The following ITSN1 variants were observed in gnomAD, a reference collection of about 807,000 sequenced individuals.
ITSN1 encodes intersectin-1.
In ITSN1, 58 loss-of-function variants were observed where a neutral mutation model predicts 239.8. The ratio of observed to expected loss-of-function variants is 0.24; its 90% CI spans 0.20 to 0.30. ITSN1 has a LOEUF of 0.30. Ranked by LOEUF, ITSN1 falls within the 10% of genes least tolerant of loss-of-function variation. The pLI is 1.00. For missense variants in ITSN1, 1,558 were observed against 2,103.3 expected, an observed-to-expected ratio of 0.74 and a Z score of 5.07; for synonymous variants, 780 against 770.8, an observed-to-expected ratio of 1.01 and a Z score of -0.20.
intron 5 of ITSN1, 71 bp downstream of exon 5, chr21:33,735,275 C>T (rs1289650276): frequency 6.8e-7 from 1 of 1,469,808 alleles, no homozygotes; most frequent in South Asian, 1.2e-5. Flanking sequence ...CCTTTTTTTC[C>T]CTCTCGGTTT....
At chr21:33,689,946 C>T (rs1419002898) in intron 1 of ITSN1, among the ~76,000 whole-genome samples, 114 of 136,532 alleles carry the variant, frequency 8.3e-4, no homozygotes, top group African/African-American at 2.9e-3. Context: ...CCAGCATGGG[C>T]GACAGACCAA....
chr21:33,887,460 T>C (rs1985971398), intron 39 of ITSN1, among the ~76,000 whole-genome samples: 2 of 152,210 alleles, frequency 1.3e-5, no homozygotes, highest in South Asian at 4.1e-4. Context: ...GTACTTTTTA[T>C]ATGAATTATC....
At chr21:33,663,175 AG>A (rs2089686555) in intron 1 of ITSN1, among the ~76,000 whole-genome samples, 8 of 152,232 alleles carry the variant, frequency 5.3e-5, no homozygotes. Context: ...CTCTTCAGGC[AG>A]TTATAGTAAT....
chr21:33,867,768 G>T (rs1304712538), intron 33 of ITSN1, among the ~76,000 whole-genome samples: 1 of 152,226 alleles, frequency 6.6e-6, no homozygotes, highest in South Asian at 2.1e-4. Context: ...CGCGTCTGGA[G>T]TTTGTTCCTT....
At chr21:33,859,060 C>T (rs1979949687) in intron 31 of ITSN1, among the ~76,000 whole-genome samples, 1 of 152,162 alleles carries the variant, frequency 6.6e-6, no homozygotes, top group Non-Finnish European at 1.5e-5. Flanking sequence ...TGTGAATTTC[C>T]AGGGCTAGGG....
chr21:33,832,889 G>A (rs2074378095), intron 27 of ITSN1, among the ~76,000 whole-genome samples: 1 of 152,056 alleles, frequency 6.6e-6, no homozygotes. Context: ...CCTTATTTTG[G>A]GAATAGGTAA....
intron 1 of ITSN1, among the ~76,000 whole-genome samples, chr21:33,671,410 C>A (rs944753118): frequency 6.6e-6 from 1 of 151,892 alleles, no homozygotes; most frequent in South Asian, 2.1e-4. Context: ...CCTCAGCCTC[C>A]GGAGTAGCTG....
intron 5 of ITSN1, among the ~76,000 whole-genome samples, chr21:33,749,217 T>C (rs191334617): frequency 6.6e-6 from 1 of 152,170 alleles, no homozygotes; most frequent in Non-Finnish European, 1.5e-5. Context: ...TTTGGACTCC[T>C]GCCCTCAAGA....
chr21:33,812,029 A>G (rs1257560255), intron 21 of ITSN1, among the ~76,000 whole-genome samples: 1 of 152,198 alleles, frequency 6.6e-6, no homozygotes, highest in Non-Finnish European at 1.5e-5. Context: ...AGAAAGAATA[A>G]TTACTCAGGG....
chr21:33,794,107 A>T (rs1474705683), intron 16 of ITSN1, among the ~76,000 whole-genome samples: 1 of 152,230 alleles, frequency 6.6e-6, no homozygotes, highest in Non-Finnish European at 1.5e-5. Context: ...AGAGCAGATC[A>T]TGGAAAATGG....
At chr21:33,737,229 T>TA (rs1333638426) in intron 5 of ITSN1, among the ~76,000 whole-genome samples, 4 of 152,198 alleles carry the variant, frequency 2.6e-5, no homozygotes, top group Non-Finnish European at 1.5e-5. Flanking sequence ...GTTGTGACCT[T>TA]ACTGCTGAGA....
rs1264135160 is a variant in ITSN1 at position 33,774,826 on chromosome 21, T to C, written c.1403T>C (p.Ile468Thr). 6.2e-7 allele frequency: 1 copy of C among 1,613,848 alleles called. No homozygotes were observed. Among genetic ancestry groups the C allele is most frequent in the East Asian group, 2.2e-5 (1 of 44,864 alleles). Residue 468 changes from isoleucine to threonine, a missense_variant, in exon 13 of 40, where the codon ATA (isoleucine) becomes ACA (threonine). Around this residue, in one of 2 missense-constraint regions of ITSN1, gnomAD observed 982 missense variants for 1,209.9 expected, o/e 0.81. Coordinates refer to ENST00000381318, the MANE Select transcript of ITSN1 (RefSeq NM_003024.3). ...LNQRNKEQEDIVVLKAKKKTL... is the reference protein window; with the variant it reads ...LNQRNKEQEDTVVLKAKKKTL... The stretch of plus-strand genomic sequence containing the variant: ...CAAAGAAACAAAGAACAAGAGGACA[T>C]AGTTGTACTGAAAGCAAAGAAAAAG...
At chr21:33,800,973 C>T (rs547920933) in intron 19 of ITSN1, among the ~76,000 whole-genome samples, 13 of 151,890 alleles carry the variant, frequency 8.6e-5, no homozygotes, top group Non-Finnish European at 1.6e-4. Flanking sequence ...TCAAGCAAAG[C>T]GATTCTCCCA....
chr21:33,751,873 A>G lies in ITSN1; in HGVS notation c.590A>G (p.Lys197Arg), dbSNP rs544678761. 3 of 1,613,688 alleles carry G rather than the reference A, an allele frequency of 1.9e-6. No homozygotes were observed. The highest frequency in any genetic ancestry group is 1.3e-5 in the African/African-American group (1 of 75,020). The stretch of plus-strand genomic sequence containing the variant: ...GGTCCAGGGTCACAACTAAACACTA[A>G]ATTACAAAAGGCACAGTCATTTGAT... Reference protein sequence around the residue: ...RSGPGSQLNTKLQKAQSFDVA... With the variant: ...RSGPGSQLNTRLQKAQSFDVA... Residue 197 changes from lysine (K) to arginine (R), a missense_variant, in exon 7 of 40, where the codon AAA (lysine) becomes AGA (arginine). Physicochemically the swap from Lys to Arg is conservative, Grantham distance 26. Transcript: ENST00000381318.
rs3835378 is a variant in ITSN1, at chr21:33,871,437, C to CA, written c.4174-3906dup. Among the ~76,000 whole-genome samples, 663 of 146,394 alleles carry CA rather than the reference C, an allele frequency of 4.5e-3. 3 individuals are homozygous for CA. Among genetic ancestry groups the CA allele is most frequent in the Non-Finnish European group, 5.5e-3 (360 of 65,866 alleles). ...AGAGTGAAACTCTGTCTCAAAAAAA[C>CA]AAAAAAAAAAACAAAAAACAAAAAG... On this transcript the variant is annotated intron_variant, in intron 33 of 39. Transcript: ENST00000381318.
chr21:33,759,040 T>C (rs1242329293), intron 8 of ITSN1, among the ~76,000 whole-genome samples: 1 of 152,216 alleles, frequency 6.6e-6, no homozygotes, highest in Non-Finnish European at 1.5e-5. Context: ...TTACAAGAGA[T>C]AATTGTGATC....
In ITSN1 at chr21:33,784,882, C is replaced by T. The variant is rs117110240; in HGVS notation, c.1824+2749C>T. On this transcript the variant is annotated intron_variant, in intron 16 of 39. Transcript: ENST00000381318. ...GCCAGTCTCCTGACTCTTGGGGTTT[C>T]TTCAGTGCCCCTCTTGATCGGCAGT... Among the ~76,000 whole-genome samples the T allele has an allele frequency of 3.3e-3, 510 of 152,298 alleles. 9 individuals are homozygous for T. The East Asian group carries it at 0.068, about 20-fold the overall frequency.
intron 1 of ITSN1, among the ~76,000 whole-genome samples, chr21:33,709,567 G>A (rs1218892114): frequency 3.9e-5 from 6 of 152,070 alleles, no homozygotes; most frequent in African/African-American, 1.4e-4. Flanking sequence ...CAGGCGTGAG[G>A]CACCGCGCCC....
At chr21:33,821,591 G>A (rs1002291436) in intron 24 of ITSN1, among the ~76,000 whole-genome samples, 1 of 152,128 alleles carries the variant, frequency 6.6e-6, no homozygotes, top group African/African-American at 2.4e-5. Context: ...CCATCATCAT[G>A]TCTCTGGGTT....
Sources: allele counts gnomAD v4.1 joint callset (sites outside exome capture counted in the v4.1 genomes callset), GRCh38; gene constraint gnomAD v4.1.1; regional missense constraint gnomAD v4.1.1; transcripts MANE v1.5; gene names NCBI Gene and HGNC (gene_info 2026-07-23, HGNC 2026-07-21).